The following STK32B variants were observed in gnomAD, a reference collection of about 807,000 sequenced individuals.
The protein encoded by STK32B is serine/threonine-protein kinase 32B.
In STK32B, 43 loss-of-function variants were observed where a neutral mutation model predicts 52.6. The ratio of observed to expected loss-of-function variants is 0.82; its 90% CI spans 0.64 to 1.05. STK32B has a LOEUF of 1.05. Among genes scored for constraint, STK32B ranks in the 50% least tolerant of loss-of-function variants. The pLI, the probability that STK32B is intolerant of heterozygous loss-of-function variation, is 0.00. For synonymous variants in STK32B, 238 were observed against 204.3 expected (o/e 1.17, Z -1.41); for missense variants, 621 against 534.6 (o/e 1.16, Z -1.59).
rs189265142 is a variant in STK32B at position 5,384,254 on chromosome 4, G to T, written c.435-13953G>T. Among the ~76,000 whole-genome samples the T allele has an allele frequency of 4.6e-5, 7 of 152,296 alleles. No individual in the cohort carries two copies. The East Asian group carries it at 1.4e-3, about 29-fold the overall frequency. On this transcript the variant is annotated intron_variant, in intron 4 of 11. Coordinates refer to ENST00000282908, the MANE Select transcript of STK32B (RefSeq NM_018401.3). ...GGTGTGGGCAAAGGCTGACAGCTCT[G>T]CCCTGGTGAGCATGGGCTGGAGAGG...
At chr4:5,436,649 A>G in intron 6 of STK32B, 1 of 985,418 alleles carries the variant, frequency 1.0e-6, no homozygotes, top group Non-Finnish European at 1.2e-6. Flanking sequence ...AGCAAAGCTG[A>G]GGAAGGGAGG....
At chr4:5,247,993 T>A (rs1349912188) in intron 3 of STK32B, among the ~76,000 whole-genome samples, 1 of 152,130 alleles carries the variant, frequency 6.6e-6, no homozygotes, top group African/African-American at 2.4e-5. Context: ...AGGGCAGCCA[T>A]GGGTTAGCTT....
intron 3 of STK32B, among the ~76,000 whole-genome samples, chr4:5,278,456 CAT>C (rs1173122581): frequency 6.6e-6 from 1 of 152,110 alleles, no homozygotes; most frequent in Non-Finnish European, 1.5e-5. Context: ...GAAACTGCCA[CAT>C]AAACTGGGGA....
chr4:5,171,568 C>A (rs1002999202), intron 3 of STK32B, among the ~76,000 whole-genome samples: 4 of 152,098 alleles, frequency 2.6e-5, no homozygotes, highest in African/African-American at 9.7e-5. Flanking sequence ...GTAGGGAATC[C>A]TTTCCCCATT....
intron 2 of STK32B, among the ~76,000 whole-genome samples, chr4:5,159,517 AAT>A (rs1718159605): frequency 7.0e-6 from 1 of 143,054 alleles, no homozygotes; most frequent in Admixed American, 7.3e-5. Context: ...TATATATATG[AAT>A]ATATGATATA....
chr4:5,041,824 T>C, the STK32B span, among the ~76,000 whole-genome samples: 1 of 151,762 alleles, frequency 6.6e-6, no homozygotes, highest in Non-Finnish European at 1.5e-5. Context: ...TTCTTTACAA[T>C]GCACAATGCT....
At chr4:5,392,040 T>C (rs1305971578) in intron 4 of STK32B, among the ~76,000 whole-genome samples, 1 of 152,208 alleles carries the variant, frequency 6.6e-6, no homozygotes, top group Non-Finnish European at 1.5e-5. Context: ...GATTTGTGCT[T>C]TGTAAGGATA....
intron 4 of STK32B, among the ~76,000 whole-genome samples, chr4:5,351,789 A>G (rs1733842412): frequency 6.6e-6 from 1 of 152,122 alleles, no homozygotes; most frequent in Admixed American, 6.5e-5. Context: ...CTGATAACAC[A>G]GAAATACGAA....
At chr4:5,344,692 A>AT (rs376899720) in intron 4 of STK32B, among the ~76,000 whole-genome samples, 36,123 of 147,856 alleles carry the variant, frequency 0.24, 5,203 homozygotes, top group African/African-American at 0.41. Flanking sequence ...CTTTGTCAGA[A>AT]TTTTTTTTTT....
chr4:5,271,215 G>A (rs1469256497), intron 3 of STK32B, among the ~76,000 whole-genome samples: 2 of 152,166 alleles, frequency 1.3e-5, no homozygotes, highest in Non-Finnish European at 2.9e-5. Flanking sequence ...GGATTAACAG[G>A]TGTGAGTCAC....
chr4:5,132,303 A>G, intron 1 of STK32B, among the ~76,000 whole-genome samples: 1 of 152,138 alleles, frequency 6.6e-6, no homozygotes. Flanking sequence ...GGAGCTGAAC[A>G]ATAAAAACAC....
the STK32B span, among the ~76,000 whole-genome samples, chr4:5,030,369 C>G: frequency 2.6e-5 from 4 of 152,200 alleles, no homozygotes; most frequent in African/African-American, 9.7e-5. Flanking sequence ...CCGGATCCCC[C>G]AGACCTAGCA....
chr4:5,045,677 G>A, the STK32B span, among the ~76,000 whole-genome samples: 1 of 152,106 alleles, frequency 6.6e-6, no homozygotes, highest in Non-Finnish European at 1.5e-5. Flanking sequence ...GATTGTGAAT[G>A]GGAGTTAATT....
At chr4:5,384,839 T>G (rs1736146072) in intron 4 of STK32B, among the ~76,000 whole-genome samples, 1 of 151,952 alleles carries the variant, frequency 6.6e-6, no homozygotes, top group Admixed American at 6.5e-5. Flanking sequence ...GTGGGATGTT[T>G]GAGGAGACAG....
At chr4:5,413,772 A>G (rs1378442861) in intron 5 of STK32B, among the ~76,000 whole-genome samples, 2 of 152,190 alleles carry the variant, frequency 1.3e-5, no homozygotes, top group African/African-American at 4.8e-5. Context: ...GGCTGATCAC[A>G]TGGGAAACGG....
chr4:5,021,734 G>C, the STK32B span, among the ~76,000 whole-genome samples: 1 of 152,318 alleles, frequency 6.6e-6, no homozygotes, highest in African/African-American at 2.4e-5. Flanking sequence ...GGGACTTCTT[G>C]GGTAAATCAG....
In STK32B at chr4:5,460,100, C is replaced by T. The variant is rs751463271; in HGVS notation, c.784-3C>T. On this transcript the variant is annotated splice_polypyrimidine_tract_variant and splice_region_variant and intron_variant, in intron 8 of 11. Coordinates refer to ENST00000282908, the MANE Select transcript of STK32B (RefSeq NM_018401.3). This position sits in a 1 kb window ranked among gnomAD's most constrained non-coding sequence, Gnocchi z 4.8. ...TGGAAACTCATTTGCCCTCTAACTG[C>T]AGCTCCTGACCAAGGATCCTGAGAG... 9 of 1,614,096 alleles carry T rather than the reference C, an allele frequency of 5.6e-6. No homozygotes were observed. The highest frequency in any genetic ancestry group is 7.6e-6 in the Non-Finnish European group (9 of 1,180,048).
intron 2 of STK32B, among the ~76,000 whole-genome samples, chr4:5,159,887 C>T (rs1362740904): frequency 1.3e-5 from 2 of 151,508 alleles, no homozygotes; most frequent in Non-Finnish European, 2.9e-5. Flanking sequence ...GATGAACAGT[C>T]AGGCTGGAGA....
intron 11 of STK32B, among the ~76,000 whole-genome samples, chr4:5,480,350 C>A (rs1718591700): frequency 6.6e-6 from 1 of 152,126 alleles, no homozygotes; most frequent in African/African-American, 2.4e-5. Context: ...CGGGGTACAG[C>A]TTGGTTTTAA....
Sources: gnomAD v4.1 joint callset for allele counts (sites outside exome capture counted in the v4.1 genomes callset) on GRCh38, gnomAD v4.1.1 for gene constraint, Gnocchi (gnomAD v3.1) non-coding constraint, MANE v1.5 for transcripts, NCBI Gene and HGNC (gene_info 2026-07-23, HGNC 2026-07-21) for gene names.